The following CAMK2D variants were observed in gnomAD, a reference collection of about 807,000 sequenced individuals.
The protein encoded by CAMK2D is calcium/calmodulin dependent protein kinase II delta.
In CAMK2D, 37 loss-of-function variants were observed where a neutral mutation model predicts 84.0. The ratio of observed to expected loss-of-function variants is 0.44; its 90% CI spans 0.34 to 0.58. The LOEUF (loss-of-function observed/expected upper bound fraction) is 0.58. CAMK2D is among the 20% of genes least tolerant of loss of function. The probability of loss-of-function intolerance (pLI) is 0.02; values close to 1 mark genes in which losing one functional copy is unlikely to be tolerated. For missense variants in CAMK2D, 448 were observed against 652.5 expected (o/e 0.69, Z 3.41); for synonymous variants, 202 against 212.5 (o/e 0.95, Z 0.43).
chr4:113,578,999 A>G (rs13122281), intron 4 of CAMK2D, among the ~76,000 whole-genome samples: 97,595 of 151,964 alleles, frequency 0.64, 32,351 homozygotes, highest in Middle Eastern at 0.76. Flanking sequence ...ACCAAAGACT[A>G]TCTCTTAACT....
intron 18 of CAMK2D, 141 bp downstream of exon 18, chr4:113,460,006 G>A: frequency 3.3e-6 from 2 of 614,716 alleles, no homozygotes; most frequent in Non-Finnish European, 5.9e-6. Flanking sequence ...TTTCAATTTT[G>A]AATACAAAAC....
intron 14 of CAMK2D, among the ~76,000 whole-genome samples, chr4:113,503,500 CTA>C (rs1305249010): frequency 6.6e-6 from 1 of 152,034 alleles, no homozygotes; most frequent in Non-Finnish European, 1.5e-5. Flanking sequence ...TAAAAAAAGA[CTA>C]TACTAAAGAA....
At chr4:113,490,128 C>T (rs887577837) in intron 16 of CAMK2D, among the ~76,000 whole-genome samples, 5 of 147,780 alleles carry the variant, frequency 3.4e-5, no homozygotes, top group African/African-American at 1.0e-4. Flanking sequence ...TTTTGCTGTG[C>T]AGAAGCTCTT....
At chr4:113,679,958 C>T (rs745622890) in intron 2 of CAMK2D, among the ~76,000 whole-genome samples, 3 of 152,122 alleles carry the variant, frequency 2.0e-5, no homozygotes, top group African/African-American at 4.8e-5. Flanking sequence ...TATGAAAATA[C>T]AATTTCCAAA....
chr4:113,522,819 T>C (rs151241023), intron 8 of CAMK2D, among the ~76,000 whole-genome samples: 2 of 152,326 alleles, frequency 1.3e-5, no homozygotes, highest in African/African-American at 4.8e-5. Context: ...CTCATAAGAA[T>C]AAAATGTCCG....
chr4:113,708,159 CT>C (rs1200090712), intron 2 of CAMK2D, among the ~76,000 whole-genome samples: 2 of 151,880 alleles, frequency 1.3e-5, no homozygotes, highest in Admixed American at 1.3e-4. Flanking sequence ...CAGGTCTGAG[CT>C]TTTTTTTGAA....
chr4:113,606,511 AAC>A (rs1260806005), intron 4 of CAMK2D, among the ~76,000 whole-genome samples: 1 of 150,572 alleles, frequency 6.6e-6, no homozygotes, highest in African/African-American at 2.5e-5. Flanking sequence ...AAAAAAAAAC[AAC>A]AGAGGAAAGA....
At chr4:113,591,178 C>G (rs553047690) in intron 4 of CAMK2D, among the ~76,000 whole-genome samples, 232 of 147,892 alleles carry the variant, frequency 1.6e-3, no homozygotes, top group African/African-American at 5.2e-3. Flanking sequence ...TTCACGTAGT[C>G]AAAATTCAAA....
rs530497269 is a variant in CAMK2D at position 113,634,865 on chromosome 4, G to A, written c.221-25659C>T. ...CTGTCTAGAATACAGAGGTACCAAG[G>A]ACTTGAACTTATAGGATCTTTGGAA... is the stretch of plus-strand genomic sequence containing the variant. On this transcript the variant is annotated intron_variant, in intron 3 of 20. Transcript: ENST00000511664. 1.4e-4 allele frequency among the ~76,000 whole-genome samples: 21 copies of A among 152,200 alleles called. No homozygotes were observed. The East Asian group carries it at 3.7e-3, about 27-fold the overall frequency.
At chr4:113,681,255 C>T (rs2099344942) in intron 2 of CAMK2D, among the ~76,000 whole-genome samples, 1 of 152,052 alleles carries the variant, frequency 6.6e-6, no homozygotes, top group African/African-American at 2.4e-5. Context: ...CCCATAATTC[C>T]CACATGTCAG....
intron 3 of CAMK2D, among the ~76,000 whole-genome samples, chr4:113,611,066 AC>A (rs2098998267): frequency 6.9e-6 from 1 of 145,700 alleles, no homozygotes; most frequent in Non-Finnish European, 1.5e-5. Context: ...ACACACACAC[AC>A]ACACACACAC....
At chr4:113,509,998 T>C (rs2098189069) in intron 12 of CAMK2D, among the ~76,000 whole-genome samples, 1 of 152,236 alleles carries the variant, frequency 6.6e-6, no homozygotes, top group South Asian at 2.1e-4. Context: ...ACTATCCTTT[T>C]GTAATCCAGA....
At chr4:113,690,757 A>G (rs1471687057) in intron 2 of CAMK2D, among the ~76,000 whole-genome samples, 1 of 152,218 alleles carries the variant, frequency 6.6e-6, no homozygotes, top group Non-Finnish European at 1.5e-5. Context: ...ATGTATTCAC[A>G]TATTCATTGA....
chr4:113,619,761 C>A (rs1160313203), intron 3 of CAMK2D, among the ~76,000 whole-genome samples: 1 of 151,990 alleles, frequency 6.6e-6, no homozygotes, highest in Non-Finnish European at 1.5e-5. Flanking sequence ...TACGTATTAT[C>A]CATGTTGGTA....
chr4:113,457,474 T>C lies in CAMK2D; in HGVS notation c.1396A>G (p.Ile466Val). ...VGDDAACIAYIRLTQYMDGSG... is the reference protein window; with the variant it reads ...VGDDAACIAYVRLTQYMDGSG... ...CCATCCATGTACTGTGTGAGCCTAA[T>C]ATATGCTATGCAGGCGGCATCATCC... Residue 466 changes from isoleucine to valine, a missense_variant, in exon 19 of 21, where the codon ATT (isoleucine) becomes GTT (valine). Coordinates refer to ENST00000511664, the MANE Select transcript of CAMK2D (RefSeq NM_001321571.2). The C allele has an allele frequency of 6.2e-7, 1 of 1,613,860 alleles. No homozygotes were observed. Among genetic ancestry groups the C allele is most frequent in the East Asian group, 2.2e-5 (1 of 44,872 alleles).
intron 4 of CAMK2D, among the ~76,000 whole-genome samples, chr4:113,577,813 T>C (rs2098790788): frequency 6.6e-6 from 1 of 152,156 alleles, no homozygotes; most frequent in Admixed American, 6.6e-5. Flanking sequence ...TGTTGTGCCA[T>C]GGCATATTTT....
intron 3 of CAMK2D, among the ~76,000 whole-genome samples, chr4:113,658,644 A>G (rs531912968): frequency 1.8e-4 from 28 of 152,208 alleles, no homozygotes; most frequent in Non-Finnish European, 3.2e-4. Context: ...CAAAACTGCA[A>G]GCTCCATGAG....
chr4:113,733,559 T>G (rs918376566), intron 2 of CAMK2D, among the ~76,000 whole-genome samples: 1 of 152,224 alleles, frequency 6.6e-6, no homozygotes, highest in Non-Finnish European at 1.5e-5. Flanking sequence ...TTATCAGGTA[T>G]AAGTATGGCT....
chr4:113,671,814 T>C (rs2099287277), intron 2 of CAMK2D, among the ~76,000 whole-genome samples: 1 of 152,186 alleles, frequency 6.6e-6, no homozygotes, highest in South Asian at 2.1e-4. Context: ...ACCCTACAAG[T>C]GTGTGAACAA....
Sources: gnomAD v4.1 joint callset for allele counts (sites outside exome capture counted in the v4.1 genomes callset) on GRCh38, gnomAD v4.1.1 for gene constraint, MANE v1.5 for transcripts, NCBI Gene and HGNC (gene_info 2026-07-23, HGNC 2026-07-21) for gene names.